Variants in ZDHHC6 observed in about 807,000 individuals in gnomAD.
The protein encoded by ZDHHC6 is palmitoyltransferase ZDHHC6.
A neutral mutation model predicts 57.8 loss-of-function variants in ZDHHC6; 32 were observed. That is an observed-to-expected ratio of 0.55 (90% CI 0.42 to 0.74). The LOEUF (loss-of-function observed/expected upper bound fraction) is 0.74, where lower values mean the gene tolerates loss of function less well. Among genes scored for constraint, ZDHHC6 ranks in the 30% least tolerant of loss-of-function variants. The pLI is 0.00. For missense variants in ZDHHC6, 433 were observed against 500.7 expected (o/e 0.86, Z 1.29); for synonymous variants, 128 against 158.0 (o/e 0.81, Z 1.42).
At position 112,445,378 on chromosome 10, in the gene ZDHHC6, C is replaced by A; in HGVS notation, c.59G>T (p.Cys20Phe). Reference sequence around the variant, plus strand: ...AAGGGCTATGATGGGACCCCAGTGACACAGTCTCTTTAATTCTTGTAGATT... The same window carrying A: ...AAGGGCTATGATGGGACCCCAGTGAAACAGTCTCTTTAATTCTTGTAGATT... Reference protein sequence around the residue: ...FENLQELKRLCHWGPIIALGV... With the variant: ...FENLQELKRLFHWGPIIALGV... Residue 20 changes from cysteine (C) to phenylalanine (F), a missense_variant, in exon 2 of 11, where the codon TGT (cysteine) becomes TTT (phenylalanine). Cys to Phe is a radical substitution (Grantham distance 205). Coordinates refer to ENST00000369405, the MANE Select transcript of ZDHHC6 (RefSeq NM_022494.3). The A allele has an allele frequency of 6.2e-7, 1 of 1,614,212 alleles. No individual in the cohort carries two copies. The highest frequency in any genetic ancestry group is 8.5e-7 in the Non-Finnish European group (1 of 1,180,042).
At chr10:112,443,442 G>A (rs188304356) in intron 3 of ZDHHC6, 73 bp downstream of exon 3, 12 of 1,285,032 alleles carry the variant, frequency 9.3e-6, no homozygotes, top group South Asian at 1.3e-5. Context: ...TAGCACTAAT[G>A]TAGTATAAGC....
At chr10:112,425,506 C>G (rs1419706370), downstream of ZDHHC6, 18 of 1,560,784 alleles carry the variant, frequency 1.2e-5, no homozygotes, top group Non-Finnish European at 1.6e-5. Flanking sequence ...TAACAATAGC[C>G]CATTTCAGTC....
intron 1 of ZDHHC6, 74 bp downstream of exon 1, chr10:112,446,631 A>C (rs1846773801): frequency 6.6e-6 from 1 of 152,484 alleles, no homozygotes; most frequent in Non-Finnish European, 1.5e-5. Flanking sequence ...CTCAACATTC[A>C]GGAGAGCCTG....
chr10:112,430,179 A>G (rs1264060713), downstream of ZDHHC6: 2 of 152,322 alleles, frequency 1.3e-5, no homozygotes, highest in Non-Finnish European at 2.9e-5. Flanking sequence ...CAAGTGTGTC[A>G]TGTCTTAAGC....
upstream of ZDHHC6, chr10:112,447,544 AGT>A (rs1467116049): frequency 9.2e-6 from 14 of 1,519,600 alleles, no homozygotes; most frequent in Admixed American, 1.9e-5. Context: ...CGCCCGAGTA[AGT>A]GTGTCTATGA....
intron 4 of ZDHHC6, 146 bp from the exon 5 acceptor site, chr10:112,440,841 A>AT (rs1204938086): frequency 1.9e-6 from 1 of 538,664 alleles, no homozygotes; most frequent in African/African-American, 2.0e-5. Flanking sequence ...ATTTTATTTT[A>AT]TTTATTTATT....
chr10:112,439,376 T>C (rs539584949), intron 5 of ZDHHC6, among the ~76,000 whole-genome samples: 1 of 152,052 alleles, frequency 6.6e-6, no homozygotes, highest in East Asian at 1.9e-4. Context: ...CTCACACCTG[T>C]AATCCCAGCA....
In ZDHHC6 at chr10:112,432,525, T is replaced by A; in HGVS notation, c.946-4A>T. Reference sequence around the variant, plus strand: ...CTTCTATTACTTTATAGCGAACCTGTCGTCAGTGATCAGAAGAAACCTTTA... The same window carrying A: ...CTTCTATTACTTTATAGCGAACCTGACGTCAGTGATCAGAAGAAACCTTTA... On this transcript the variant is annotated splice_region_variant and splice_polypyrimidine_tract_variant and intron_variant, in intron 8 of 10. Transcript: ENST00000369405. 1 of 1,610,928 alleles carries A rather than the reference T, an allele frequency of 6.2e-7. No homozygotes were observed. The highest frequency in any genetic ancestry group is 8.5e-7 in the Non-Finnish European group (1 of 1,179,114).
Position 112,445,216 on chromosome 10 carries a change from T to C in ZDHHC6, c.221A>G (p.Asn74Ser), listed in dbSNP as rs1296804156. Residue 74 changes from asparagine (N) to serine (S), a missense_variant, in exon 2 of 11, where the codon AAT (asparagine) becomes AGT (serine). Asn to Ser is a conservative substitution (Grantham distance 46). Coordinates refer to ENST00000369405, the MANE Select transcript of ZDHHC6 (RefSeq NM_022494.3). The part of the protein sequence containing the change: ...WTVMILYNYF[N>S]AMFVGPGFVP... ...AAAGCCCGGACCGACAAACATGGCA[T>C]TGAAGTAATTATAAAGAATCATGAC... 2.5e-6 allele frequency: 4 copies of C among 1,614,052 alleles called. No homozygotes were observed. Among genetic ancestry groups the C allele is most frequent in the East Asian group, 4.5e-5 (2 of 44,894 alleles).
intron 6 of ZDHHC6, among the ~76,000 whole-genome samples, chr10:112,437,791 C>A (rs1353044173): frequency 6.6e-6 from 1 of 152,168 alleles, no homozygotes; most frequent in Admixed American, 6.5e-5. Flanking sequence ...CTGCCCAGAC[C>A]CTGCAGGTAT....
chr10:112,429,290 C>T (rs937688976), downstream of ZDHHC6, among the ~76,000 whole-genome samples: 1 of 152,206 alleles, frequency 6.6e-6, no homozygotes, highest in Non-Finnish European at 1.5e-5. Context: ...CTGAACCTCA[C>T]TAGTTACCTT....
intron 2 of ZDHHC6, 46 bp from the exon 3 acceptor site, chr10:112,443,652 T>C (rs775394590): frequency 1.5e-4 from 226 of 1,459,986 alleles, no homozygotes; most frequent in Admixed American, 1.9e-4. Context: ...GATACTTGAA[T>C]ATAAGTATGA....
At chr10:112,444,793 C>A (rs998256791) in intron 2 of ZDHHC6, among the ~76,000 whole-genome samples, 3 of 152,116 alleles carry the variant, frequency 2.0e-5, no homozygotes, top group African/African-American at 7.2e-5. Flanking sequence ...GTTTCTAAAG[C>A]GTTTTTCTCA....
chr10:112,432,401 A>G lies in ZDHHC6; in HGVS notation c.1066T>C (p.Phe356Leu), dbSNP rs767135735. The G allele has an allele frequency of 2.5e-6, 4 of 1,614,156 alleles. No homozygotes were observed. The highest frequency in any genetic ancestry group is 1.6e-4 in the Middle Eastern group (1 of 6,062). Reference sequence around the variant, plus strand: ...CGTAAACCTCTTGTGGCTAAAATGAATTCCCCTTTTTGCAGCTGTATTCGA... The same window carrying G: ...CGTAAACCTCTTGTGGCTAAAATGAGTTCCCCTTTTTGCAGCTGTATTCGA... Reference protein sequence around the residue: ...EPRIQLQKGEFILATRGLRYW... With the variant: ...EPRIQLQKGELILATRGLRYW... Residue 356 changes from phenylalanine to leucine, a missense_variant, in exon 9 of 11, where the codon TTC (phenylalanine) becomes CTC (leucine). By Grantham distance (22) the Phe-to-Leu change is conservative. Coordinates refer to ENST00000369405, the MANE Select transcript of ZDHHC6 (RefSeq NM_022494.3).
At chr10:112,441,056 G>C (rs1394347338) in intron 4 of ZDHHC6, among the ~76,000 whole-genome samples, 2 of 152,152 alleles carry the variant, frequency 1.3e-5, no homozygotes, top group African/African-American at 2.4e-5. Flanking sequence ...AGATTGGCCA[G>C]GCTGGTCTTG....
At chr10:112,426,334 C>T (rs781778057), downstream of ZDHHC6, 8 of 1,613,892 alleles carry the variant, frequency 5.0e-6, no homozygotes, top group Non-Finnish European at 5.9e-6. Flanking sequence ...GTGAAGGGCT[C>T]CTTTGAGGAA....
intron 2 of ZDHHC6, among the ~76,000 whole-genome samples, chr10:112,444,912 C>A (rs907749404): frequency 6.6e-6 from 1 of 152,080 alleles, no homozygotes; most frequent in Admixed American, 6.5e-5. Context: ...TATCCCACCT[C>A]CACCCCACCT....
At chr10:112,444,473 T>C (rs1846449171) in intron 2 of ZDHHC6, among the ~76,000 whole-genome samples, 2 of 152,232 alleles carry the variant, frequency 1.3e-5, no homozygotes, top group Non-Finnish European at 2.9e-5. Flanking sequence ...AATTACATCT[T>C]ACCCTCCTCT....
At chr10:112,427,913 C>G (rs1382210452), downstream of ZDHHC6, 1 of 152,910 alleles carries the variant, frequency 6.5e-6, no homozygotes, top group Non-Finnish European at 1.5e-5. Context: ...CTCCGATGCT[C>G]TTCTGCGTAA....
Sources: allele counts gnomAD v4.1 joint callset (sites outside exome capture counted in the v4.1 genomes callset), GRCh38; gene constraint gnomAD v4.1.1; transcripts MANE v1.5; gene names NCBI Gene and HGNC (gene_info 2026-07-23, HGNC 2026-07-21).